The following MAP3K13 variants were observed in gnomAD, a reference collection of about 807,000 sequenced individuals.
The protein encoded by MAP3K13 is mitogen-activated protein kinase kinase kinase 13.
In MAP3K13, 52 loss-of-function variants were observed where a neutral mutation model predicts 104.0. That is an observed-to-expected ratio of 0.50 (90% CI 0.40 to 0.63). The LOEUF (loss-of-function observed/expected upper bound fraction) is 0.63, where lower values mean the gene tolerates loss of function less well. MAP3K13 is among the 20% of genes least tolerant of loss of function. The pLI, the probability that MAP3K13 is intolerant of heterozygous loss-of-function variation, is 0.00. For missense variants in MAP3K13, 914 were observed against 1,218.5 expected (o/e 0.75, Z 3.72); for synonymous variants, 394 against 442.2 (o/e 0.89, Z 1.37).
chr3:185,418,093 A>C lies in MAP3K13; in HGVS notation c.-85-10404A>C. On this transcript the variant is annotated intron_variant, in intron 1 of 13. Transcript: ENST00000265026. This position sits in a 1 kb window ranked among gnomAD's most constrained non-coding sequence, Gnocchi z 4.5. ...AATGTTCAGCTTGCTTACATTAAGC[A>C]GAGTAATTCCAGGGATGTTTCTGAA... The C allele has an allele frequency of 6.2e-7, 1 of 1,611,682 alleles. No individual in the cohort carries two copies. Among genetic ancestry groups the C allele is most frequent in the Admixed American group, 1.7e-5 (1 of 60,030 alleles).
At chr3:185,434,868 G>A (rs1351996291) in intron 2 of MAP3K13, among the ~76,000 whole-genome samples, 1 of 152,150 alleles carries the variant, frequency 6.6e-6, no homozygotes, top group African/African-American at 2.4e-5. Context: ...ATTTGGGCTT[G>A]TGTAAAGCTG....
At chr3:185,461,660 T>C (rs1717111609) in intron 7 of MAP3K13, among the ~76,000 whole-genome samples, 1 of 152,108 alleles carries the variant, frequency 6.6e-6, no homozygotes, top group Non-Finnish European at 1.5e-5. Flanking sequence ...CCTCCCGGGT[T>C]CAAGCGGTTC....
intron 1 of MAP3K13, among the ~76,000 whole-genome samples, chr3:185,392,884 A>T (rs1413683463): frequency 6.6e-6 from 1 of 151,878 alleles, no homozygotes; most frequent in Non-Finnish European, 1.5e-5. Context: ...CCCTGTCTCT[A>T]TAAAAAAAAA....
At chr3:185,452,060 A>C (rs961698639) in intron 7 of MAP3K13, among the ~76,000 whole-genome samples, 1 of 152,114 alleles carries the variant, frequency 6.6e-6, no homozygotes, top group Non-Finnish European at 1.5e-5. Flanking sequence ...GAAGTAGAAA[A>C]GCTGAAGTAC....
At chr3:185,445,028 C>CAT (rs1715521839) in intron 4 of MAP3K13, among the ~76,000 whole-genome samples, 1 of 47,546 alleles carries the variant, frequency 2.1e-5, no homozygotes, top group Non-Finnish European at 7.4e-5. Flanking sequence ...ATTGTATATA[C>CAT]ACACACACAT....
intron 2 of MAP3K13, among the ~76,000 whole-genome samples, chr3:185,432,999 G>T (rs1714833821): frequency 6.6e-6 from 1 of 152,206 alleles, no homozygotes; most frequent in Non-Finnish European, 1.5e-5. Flanking sequence ...CTGCATTGCA[G>T]TCAACCGAAG....
intron 2 of MAP3K13, among the ~76,000 whole-genome samples, chr3:185,327,548 A>G (rs1722081758): frequency 1.3e-5 from 2 of 152,174 alleles, no homozygotes; most frequent in African/African-American, 4.8e-5. Flanking sequence ...GGGAGAGAAT[A>G]AAATAATGTT....
intron 2 of MAP3K13, among the ~76,000 whole-genome samples, chr3:185,327,649 C>T (rs1373438970): frequency 6.6e-6 from 1 of 152,188 alleles, no homozygotes; most frequent in African/African-American, 2.4e-5. Flanking sequence ...CAGTGGCTCA[C>T]ACCTGTAATA....
intron 3 of MAP3K13, among the ~76,000 whole-genome samples, chr3:185,439,298 C>T (rs1351058540): frequency 1.3e-5 from 2 of 152,162 alleles, no homozygotes; most frequent in Non-Finnish European, 2.9e-5. Context: ...GCAGTTAATT[C>T]TATCCTTGGT....
intron 1 of MAP3K13, among the ~76,000 whole-genome samples, chr3:185,389,429 G>A (rs1266613947): frequency 6.6e-6 from 1 of 152,082 alleles, no homozygotes; most frequent in South Asian, 2.1e-4. Context: ...TAAAGTCTGA[G>A]CATAATGCAT....
intron 12 of MAP3K13, 85 bp from the exon 13 acceptor site, chr3:185,480,147 T>C (rs960335552): frequency 7.0e-5 from 93 of 1,323,950 alleles, no homozygotes; most frequent in African/African-American, 2.5e-4. Context: ...AACTAGATTA[T>C]CTCTACCACT....
chr3:185,394,156 C>A (rs1252077126), intron 1 of MAP3K13, among the ~76,000 whole-genome samples: 1 of 152,158 alleles, frequency 6.6e-6, no homozygotes. Context: ...GAGGGACTTA[C>A]ATCTTTGGAA....
rs959064602 is a variant in MAP3K13, at chr3:185,391,551, G to A, written c.-86+28183G>A. On this transcript the variant is annotated intron_variant, in intron 1 of 13. Coordinates refer to ENST00000265026, the MANE Select transcript of MAP3K13 (RefSeq NM_004721.5). The stretch of plus-strand genomic sequence containing the variant: ...AAGGAACACAGAAAGGACCTCTAAT[G>A]TACTGTTTCTGTGCCTTATTACAAA... Among the ~76,000 whole-genome samples the A allele has an allele frequency of 2.6e-5, 4 of 152,168 alleles. No individual in the cohort carries two copies. In the East Asian group the frequency reaches 7.7e-4, roughly 29 times the overall value.
rs1011353044 is a variant in MAP3K13, at chr3:185,484,327, T to A, written c.*1871T>A. On this transcript the variant is annotated 3_prime_UTR_variant, in exon 14 of 14. Coordinates refer to ENST00000265026, the MANE Select transcript of MAP3K13 (RefSeq NM_004721.5). ...ATGGTGCCTTGGCCTTAAGGAAAAA[T>A]TTTTTTAGAATTTTATGTACAAATA... The A allele has an allele frequency of 2.0e-5, 3 of 151,976 alleles. No individual in the cohort carries two copies. Among genetic ancestry groups the A allele is most frequent in the Admixed American group, 1.3e-4 (2 of 15,264 alleles). 9.4% of individuals were successfully genotyped at this position (151,976 alleles called of 1,614,324 possible).
chr3:185,446,137 T>C (rs1234726668), intron 4 of MAP3K13, among the ~76,000 whole-genome samples: 5 of 152,180 alleles, frequency 3.3e-5, no homozygotes, highest in African/African-American at 9.7e-5. Flanking sequence ...GTTGGGGTTG[T>C]GAGCATGGTA....
chr3:185,378,391 G>A (rs1319098248), intron 1 of MAP3K13, among the ~76,000 whole-genome samples: 2 of 152,138 alleles, frequency 1.3e-5, no homozygotes, highest in Non-Finnish European at 2.9e-5. Flanking sequence ...AACGCTATCT[G>A]ATTTGGGATA....
Position 185,315,176 on chromosome 3 carries a change from G to A in MAP3K13, c.-86+29533G>A, listed in dbSNP as rs1306897339. On this transcript the variant is annotated intron_variant, in intron 2 of 14. Transcript: ENST00000424227. This position sits in a 1 kb window ranked among gnomAD's most constrained non-coding sequence, Gnocchi z 4.3. Reference sequence around the variant, plus strand: ...GAGGCAGGAGAATTGCTTGAACCTGGGAGGCGGAGGTTGCAGTGAGCTGAG... The same window carrying A: ...GAGGCAGGAGAATTGCTTGAACCTGAGAGGCGGAGGTTGCAGTGAGCTGAG... Among the ~76,000 whole-genome samples the A allele has an allele frequency of 1.3e-5, 2 of 152,100 alleles. No individual in the cohort carries two copies. Among genetic ancestry groups the A allele is most frequent in the Non-Finnish European group, 2.9e-5 (2 of 68,026 alleles).
At chr3:185,468,186 T>C (rs1435815104) in intron 10 of MAP3K13, among the ~76,000 whole-genome samples, 1 of 152,036 alleles carries the variant, frequency 6.6e-6, no homozygotes, top group Non-Finnish European at 1.5e-5. Context: ...GGACGTAGAC[T>C]CAAACCGTAT....
At chr3:185,301,808 A>G (rs1245057623) in intron 2 of MAP3K13, among the ~76,000 whole-genome samples, 1 of 152,114 alleles carries the variant, frequency 6.6e-6, no homozygotes, top group Non-Finnish European at 1.5e-5. Flanking sequence ...TTTTGGGGCT[A>G]TTCTGTTCCA....
Sources: allele counts gnomAD v4.1 joint callset (sites outside exome capture counted in the v4.1 genomes callset), GRCh38; gene constraint gnomAD v4.1.1; non-coding constraint Gnocchi (gnomAD v3.1); transcripts MANE v1.5; gene names NCBI Gene and HGNC (gene_info 2026-07-23, HGNC 2026-07-21).